EXT1: variants seen among roughly 807,000 people sequenced by gnomAD.
EXT1 encodes exostosin glycosyltransferase 1, also known as exostosin-1.
In EXT1, 20 loss-of-function variants were observed where a neutral mutation model predicts 82.5. The observed-to-expected ratio is 0.24, with a 90% CI of 0.17 to 0.35. The LOEUF is 0.35. Among genes scored for constraint, EXT1 ranks in the 10% least tolerant of loss-of-function variants. The probability of loss-of-function intolerance (pLI) is 1.00; values close to 1 mark genes in which losing one functional copy is unlikely to be tolerated. For synonymous variants in EXT1, 348 were observed against 350.8 expected (o/e 0.99, Z 0.09); for missense variants, 757 against 936.5 (o/e 0.81, Z 2.50).
chr8:117,937,279 A>G (rs969105103), intron 1 of EXT1, among the ~76,000 whole-genome samples: 1 of 152,218 alleles, frequency 6.6e-6, no homozygotes, highest in Admixed American at 6.5e-5. Context: ...ACTTGTACAC[A>G]ACCAGTGTAG....
At chr8:117,882,656 C>CT (rs1386911329) in intron 1 of EXT1, among the ~76,000 whole-genome samples, 5 of 151,914 alleles carry the variant, frequency 3.3e-5, no homozygotes, top group African/African-American at 7.2e-5. Flanking sequence ...GTGCCTATCA[C>CT]TTTTTTTTGG....
At chr8:117,960,950 TG>T (rs1212630621) in intron 1 of EXT1, among the ~76,000 whole-genome samples, 14 of 152,140 alleles carry the variant, frequency 9.2e-5, no homozygotes, top group African/African-American at 3.4e-4. Flanking sequence ...CTTATCCTGG[TG>T]ATTCTAGTAT....
At chr8:118,006,872 G>T (rs1336507423) in intron 1 of EXT1, among the ~76,000 whole-genome samples, 2 of 152,198 alleles carry the variant, frequency 1.3e-5, no homozygotes, top group African/African-American at 4.8e-5. Flanking sequence ...TAGCTCTGGA[G>T]GACCGTGGCC....
intron 1 of EXT1, among the ~76,000 whole-genome samples, chr8:118,087,485 C>T (rs145643461): frequency 2.4e-4 from 36 of 152,186 alleles, no homozygotes; most frequent in African/African-American, 7.7e-4. Flanking sequence ...TTCTGGAAGG[C>T]GGTTTTAGAA....
chr8:117,999,381 G>C (rs1245339534), intron 1 of EXT1, among the ~76,000 whole-genome samples: 1 of 152,148 alleles, frequency 6.6e-6, no homozygotes, highest in Non-Finnish European at 1.5e-5. Context: ...TCTAGAAAAT[G>C]GTCCCAAGCC....
At chr8:117,832,297 A>C (rs1362768854) in intron 3 of EXT1, among the ~76,000 whole-genome samples, 2 of 152,104 alleles carry the variant, frequency 1.3e-5, no homozygotes, top group African/African-American at 4.8e-5. Context: ...AGGCCGAGGC[A>C]GGCGGATCAC....
chr8:117,892,609 C>T (rs1038655368), intron 1 of EXT1, among the ~76,000 whole-genome samples: 3 of 152,170 alleles, frequency 2.0e-5, no homozygotes, highest in Non-Finnish European at 2.9e-5. Flanking sequence ...CTGACTTATC[C>T]TTTAAAAGGA....
At chr8:117,889,428 T>C (rs1298260588) in intron 1 of EXT1, among the ~76,000 whole-genome samples, 1 of 152,122 alleles carries the variant, frequency 6.6e-6, no homozygotes, top group Non-Finnish European at 1.5e-5. Flanking sequence ...CCTGTAACGG[T>C]GTTAGCATTT....
At chr8:117,861,167 C>A (rs555391672) in intron 1 of EXT1, among the ~76,000 whole-genome samples, 2 of 152,310 alleles carry the variant, frequency 1.3e-5, no homozygotes, top group East Asian at 3.9e-4. Context: ...CCCAACACAA[C>A]AGCTAAAAAG....
chr8:117,836,872 T>C (rs1269825317), intron 2 of EXT1, among the ~76,000 whole-genome samples: 1 of 152,248 alleles, frequency 6.6e-6, no homozygotes, highest in African/African-American at 2.4e-5. Context: ...CTTCTGTTTC[T>C]AAACATGACC....
chr8:117,859,671 G>A (rs1812646010), intron 1 of EXT1, among the ~76,000 whole-genome samples: 1 of 152,152 alleles, frequency 6.6e-6, no homozygotes, highest in African/African-American at 2.4e-5. Flanking sequence ...AGATATTACT[G>A]TCTATTTTGT....
intron 1 of EXT1, among the ~76,000 whole-genome samples, chr8:118,103,481 C>T (rs573079024): frequency 6.6e-6 from 1 of 152,248 alleles, no homozygotes; most frequent in African/African-American, 2.4e-5. Context: ...TTTTTAAGCA[C>T]TGTTTTTCTT....
chr8:117,955,998 TG>T (rs1443269440), intron 1 of EXT1, among the ~76,000 whole-genome samples: 1 of 152,096 alleles, frequency 6.6e-6, no homozygotes, highest in Non-Finnish European at 1.5e-5. Context: ...CTCAAAAAGA[TG>T]GAACATTAAC....
At chr8:117,944,044 C>G (rs1376802621) in intron 1 of EXT1, among the ~76,000 whole-genome samples, 1 of 152,158 alleles carries the variant, frequency 6.6e-6, no homozygotes, top group African/African-American at 2.4e-5. Flanking sequence ...GAAGGGAGAT[C>G]AAAAGTGTGT....
At chr8:118,057,660 T>C (rs1330443828) in intron 1 of EXT1, among the ~76,000 whole-genome samples, 3 of 139,208 alleles carry the variant, frequency 2.2e-5, no homozygotes, top group Admixed American at 7.8e-5. Flanking sequence ...TCAAAAAATG[T>C]CTGGTCTCTT....
intron 1 of EXT1, among the ~76,000 whole-genome samples, chr8:117,881,755 A>G (rs1586261546): frequency 6.6e-6 from 1 of 152,226 alleles, no homozygotes; most frequent in African/African-American, 2.4e-5. Flanking sequence ...AGGTTGGCCA[A>G]TCCTTCTTCC....
chr8:117,920,726 C>T (rs910489962), intron 1 of EXT1, among the ~76,000 whole-genome samples: 8 of 152,214 alleles, frequency 5.3e-5, no homozygotes, highest in African/African-American at 7.2e-5. Context: ...TTATCATCTT[C>T]GGGATTACTT....
At chr8:118,027,027 G>A (rs1256123229) in intron 1 of EXT1, among the ~76,000 whole-genome samples, 2 of 152,158 alleles carry the variant, frequency 1.3e-5, no homozygotes, top group Non-Finnish European at 2.9e-5. Flanking sequence ...GATTGCCTGA[G>A]CCTAGGAGTT....
chr8:117,966,500 A>C (rs1814813982), intron 1 of EXT1, among the ~76,000 whole-genome samples: 1 of 152,202 alleles, frequency 6.6e-6, no homozygotes, highest in African/African-American at 2.4e-5. Context: ...AACATGGAGG[A>C]GGTCACACAG....
Sources: allele counts gnomAD v4.1 joint callset (sites outside exome capture counted in the v4.1 genomes callset), GRCh38; gene constraint gnomAD v4.1.1; transcripts MANE v1.5; gene names NCBI Gene and HGNC (gene_info 2026-07-23, HGNC 2026-07-21).